Variants in CCDC148 observed in about 807,000 individuals in gnomAD.
CCDC148 encodes coiled-coil domain containing 148, also known as coiled-coil domain-containing protein 148.
CCDC148 carries 89 observed loss-of-function variants against 85.7 expected under a neutral mutation model. That is an observed-to-expected ratio of 1.04 (90% CI 0.87 to 1.24). The LOEUF (loss-of-function observed/expected upper bound fraction) is 1.24. Ranked by LOEUF, CCDC148 falls within the 50% of genes most tolerant of loss-of-function variation. CCDC148 has a pLI of 0.00. For missense variants in CCDC148, 692 were observed against 671.7 expected (o/e 1.03, Z -0.33); for synonymous variants, 230 against 213.9 (o/e 1.08, Z -0.66).
intron 8 of CCDC148, among the ~76,000 whole-genome samples, chr2:158,311,170 A>G (rs1485887176): frequency 1.3e-5 from 2 of 152,212 alleles, no homozygotes; most frequent in Non-Finnish European, 2.9e-5. Flanking sequence ...ACTGCACTCC[A>G]GCCTGGGCAA....
At chr2:158,430,124 C>T (rs1031466940) in intron 1 of CCDC148, among the ~76,000 whole-genome samples, 1 of 152,092 alleles carries the variant, frequency 6.6e-6, no homozygotes, top group Non-Finnish European at 1.5e-5. Flanking sequence ...AGATAAAAGG[C>T]GAGCAGTTAT....
chr2:158,452,376 A>G (rs1688439692), intron 1 of CCDC148, among the ~76,000 whole-genome samples: 1 of 152,188 alleles, frequency 6.6e-6, no homozygotes, highest in African/African-American at 2.4e-5. Context: ...TTCCAAGTAG[A>G]TCCTTTCCTG....
chr2:158,303,003 C>T (rs539701402), intron 9 of CCDC148, among the ~76,000 whole-genome samples: 1 of 152,190 alleles, frequency 6.6e-6, no homozygotes, highest in African/African-American at 2.4e-5. Context: ...CTAAATGCCT[C>T]TGCTTGCTAC....
chr2:158,247,963 A>G (rs901093503), intron 10 of CCDC148, among the ~76,000 whole-genome samples: 3 of 152,180 alleles, frequency 2.0e-5, no homozygotes, highest in Non-Finnish European at 4.4e-5. Context: ...CAGGTTTGTT[A>G]CATAGGTATA....
At chr2:158,297,444 G>C in intron 9 of CCDC148, among the ~76,000 whole-genome samples, 1 of 152,108 alleles carries the variant, frequency 6.6e-6, no homozygotes, top group East Asian at 1.9e-4. Context: ...CCTCAAAGGT[G>C]ATCCAACATA....
intron 1 of CCDC148, among the ~76,000 whole-genome samples, chr2:158,392,241 G>A (rs1276756295): frequency 2.6e-5 from 4 of 152,044 alleles, no homozygotes; most frequent in African/African-American, 4.8e-5. Flanking sequence ...TGTGCTAGGC[G>A]CTTGAGCTAC....
intron 7 of CCDC148, among the ~76,000 whole-genome samples, chr2:158,322,816 A>G (rs1373428302): frequency 6.6e-6 from 1 of 152,122 alleles, no homozygotes; most frequent in Non-Finnish European, 1.5e-5. Flanking sequence ...TAGCATTCAG[A>G]GTCAGATCTC....
chr2:158,350,071 G>T (rs1683184205), intron 2 of CCDC148, among the ~76,000 whole-genome samples: 1 of 152,032 alleles, frequency 6.6e-6, no homozygotes, highest in African/African-American at 2.4e-5. Flanking sequence ...AAACAAAAAG[G>T]TTACTGATGT....
intron 13 of CCDC148, among the ~76,000 whole-genome samples, chr2:158,174,645 T>A (rs1235477276): frequency 6.6e-6 from 1 of 152,050 alleles, no homozygotes; most frequent in African/African-American, 2.4e-5. Context: ...TTATATGATA[T>A]AGGCCATTGC....
At chr2:158,333,824 A>G (rs1021876861) in intron 7 of CCDC148, among the ~76,000 whole-genome samples, 1 of 151,992 alleles carries the variant, frequency 6.6e-6, no homozygotes, top group Non-Finnish European at 1.5e-5. Flanking sequence ...ATATCACACA[A>G]TCTTGATTAT....
intron 7 of CCDC148, among the ~76,000 whole-genome samples, chr2:158,319,035 G>A (rs1254747142): frequency 6.6e-6 from 1 of 152,060 alleles, no homozygotes; most frequent in Non-Finnish European, 1.5e-5. Context: ...CAAAGTGCTG[G>A]AATTACAGGC....
chr2:158,180,212 AC>A lies in CCDC148; in HGVS notation c.1371-1217del, dbSNP rs1222522071. Among the ~76,000 whole-genome samples, 3 of 151,990 alleles carry A rather than the reference AC, an allele frequency of 2.0e-5. 1 individual carries two copies. The highest frequency in any genetic ancestry group is 1.3e-4 in the Admixed American group (2 of 15,258). Reference sequence around the variant, plus strand: ...TCCAAGGTGGAGACACCTTCACTAGACCTTTTACATTCTGGATTCTGGTATT... The same window carrying A: ...TCCAAGGTGGAGACACCTTCACTAGACTTTTACATTCTGGATTCTGGTATT... On this transcript the variant is annotated intron_variant, in intron 11 of 13. Coordinates refer to ENST00000283233, the MANE Select transcript of CCDC148 (RefSeq NM_138803.4).
intron 10 of CCDC148, among the ~76,000 whole-genome samples, chr2:158,241,877 T>A (rs1300518211): frequency 6.6e-6 from 1 of 152,186 alleles, no homozygotes; most frequent in Non-Finnish European, 1.5e-5. Context: ...ATGTATATAG[T>A]TTACAATAAG....
chr2:158,263,235 T>A (rs560566652), intron 9 of CCDC148, among the ~76,000 whole-genome samples: 1 of 152,206 alleles, frequency 6.6e-6, no homozygotes, highest in African/African-American at 2.4e-5. Flanking sequence ...ACTCTATGAA[T>A]GGAGGCCTTG....
At position 158,419,271 on chromosome 2, in the gene CCDC148, T is replaced by C. The variant is rs1307886394; in HGVS notation, c.25+37144A>G. On this transcript the variant is annotated intron_variant, in intron 1 of 13. Transcript: ENST00000283233. ...TTTAAAAAGTCATCAAATAGCTCTA[T>C]GAAAATTTAAATACTATGGAAAGGT... is the stretch of plus-strand genomic sequence containing the variant. Among the ~76,000 whole-genome samples the C allele has an allele frequency of 2.0e-5, 3 of 152,326 alleles. No individual in the cohort carries two copies. The East Asian group carries it at 5.8e-4, about 29-fold the overall frequency.
chr2:158,288,917 G>C lies in CCDC148; in HGVS notation c.1110+20516C>G, dbSNP rs528378750. ...TCAGAATCATGTCAGGAGGCAAAAG[G>C]CACTTCATACATGGTGGCAGCAAGA... On this transcript the variant is annotated intron_variant, in intron 9 of 13. Coordinates refer to ENST00000283233, the MANE Select transcript of CCDC148 (RefSeq NM_138803.4). 1.5e-3 allele frequency: 416 copies of C among 275,568 alleles called. 2 individuals carry two copies. Among genetic ancestry groups the C allele is most frequent in the Middle Eastern group, 3.9e-3 (3 of 760 alleles). 17.1% of individuals were successfully genotyped at this position (275,568 alleles called of 1,614,324 possible).
intron 8 of CCDC148, among the ~76,000 whole-genome samples, chr2:158,310,766 G>A (rs1208262374): frequency 6.7e-6 from 1 of 148,620 alleles, no homozygotes; most frequent in African/African-American, 2.5e-5. Context: ...AGACAGGGCG[G>A]CCGGGCAGAG....
chr2:158,280,834 GCACCA>G (rs1271923764), intron 9 of CCDC148, among the ~76,000 whole-genome samples: 1 of 152,034 alleles, frequency 6.6e-6, no homozygotes, highest in African/African-American at 2.4e-5. Context: ...ATTTTTTTCA[GCACCA>G]CACCACACCT....
At chr2:158,409,387 C>A (rs542482924) in intron 1 of CCDC148, among the ~76,000 whole-genome samples, 25 of 152,332 alleles carry the variant, frequency 1.6e-4, no homozygotes, top group African/African-American at 6.0e-4. Context: ...TTGGAGCCTA[C>A]CTCTTGCATC....
Sources: gnomAD v4.1 joint callset for allele counts (sites outside exome capture counted in the v4.1 genomes callset) on GRCh38, gnomAD v4.1.1 for gene constraint, MANE v1.5 for transcripts, NCBI Gene and HGNC (gene_info 2026-07-23, HGNC 2026-07-21) for gene names.